Variants in SLCO5A1 observed in about 807,000 individuals in gnomAD.
SLCO5A1 encodes organic anion transporter polypeptide-related protein 4.
SLCO5A1 carries 39 observed loss-of-function variants against 65.1 expected under a neutral mutation model. The observed-to-expected ratio is 0.60, with a 90% CI of 0.46 to 0.78. The LOEUF is 0.78. Among genes scored for constraint, SLCO5A1 ranks in the 30% least tolerant of loss-of-function variants. The probability of loss-of-function intolerance (pLI) is 0.00; values close to 1 mark genes in which losing one functional copy is unlikely to be tolerated. For synonymous variants in SLCO5A1, 438 were observed against 415.7 expected (o/e 1.05, Z -0.65); for missense variants, 1,029 against 1,069.4 (o/e 0.96, Z 0.53).
In SLCO5A1 at chr8:69,667,070, T is replaced by C. The variant is rs975809343; in HGVS notation, c.*5799A>G. 2 of 152,204 alleles carry C rather than the reference T, an allele frequency of 1.3e-5. No individual in the cohort carries two copies. The highest frequency in any genetic ancestry group is 2.9e-5 in the Non-Finnish European group (2 of 68,036). 9.4% of individuals were successfully genotyped at this position (152,204 alleles called of 1,614,324 possible). ...ATTTCAGTCCAACACACTTTATTCA[T>C]TTTTAACTTTTTTCTTAATTTTCAA... On this transcript the variant is annotated 3_prime_UTR_variant, in exon 10 of 10. Coordinates refer to ENST00000260126, the MANE Select transcript of SLCO5A1 (RefSeq NM_030958.3).
At chr8:69,765,401 T>TATAC (rs918909833) in intron 2 of SLCO5A1, among the ~76,000 whole-genome samples, 8 of 149,720 alleles carry the variant, frequency 5.3e-5, no homozygotes, top group Admixed American at 6.7e-5. Context: ...TATATATATA[T>TATAC]ACACACACAC....
In SLCO5A1 at chr8:69,695,811, GGGAT is replaced by G. The variant is rs201929764; in HGVS notation, c.1622+9216_1622+9219del. Among the ~76,000 whole-genome samples, 646 of 152,186 alleles carry G rather than the reference GGGAT, an allele frequency of 4.2e-3. 3 individuals carry two copies. The highest frequency in any genetic ancestry group is 0.015 in the African/African-American group (620 of 41,544). ...ACTGTGTTAGACAGATGAGTTTGAGGGGATGGAAGAAAGAAGTTCAGAAAGTTCA... is the reference window on the plus strand; with the variant it reads ...ACTGTGTTAGACAGATGAGTTTGAGGGGAAGAAAGAAGTTCAGAAAGTTCA... On this transcript the variant is annotated intron_variant, in intron 6 of 9. Transcript: ENST00000260126.
At chr8:69,715,656 C>T (rs562950655) in intron 5 of SLCO5A1, among the ~76,000 whole-genome samples, 22 of 152,280 alleles carry the variant, frequency 1.4e-4, no homozygotes, top group South Asian at 1.2e-3. Flanking sequence ...CTGAACTATA[C>T]CTATTAGAGT....
chr8:69,828,325 G>A (rs1330238553), intron 2 of SLCO5A1, among the ~76,000 whole-genome samples: 5 of 151,772 alleles, frequency 3.3e-5, no homozygotes, highest in East Asian at 1.9e-4. Flanking sequence ...AAGAAGGGCC[G>A]GGTGCAGTGG....
intron 2 of SLCO5A1, among the ~76,000 whole-genome samples, chr8:69,782,350 G>A (rs926839076): frequency 6.6e-6 from 1 of 152,268 alleles, no homozygotes; most frequent in East Asian, 1.9e-4. Flanking sequence ...GGGAGGCCAA[G>A]GAGGGAGGAT....
intron 5 of SLCO5A1, among the ~76,000 whole-genome samples, chr8:69,734,455 A>G (rs1179643558): frequency 1.3e-5 from 2 of 152,208 alleles, no homozygotes; most frequent in Non-Finnish European, 2.9e-5. Flanking sequence ...AATCTCTGTG[A>G]TCCAAATTTT....
chr8:69,686,465 A>G (rs1051405107), intron 6 of SLCO5A1, among the ~76,000 whole-genome samples: 4 of 152,156 alleles, frequency 2.6e-5, no homozygotes, highest in African/African-American at 9.7e-5. Flanking sequence ...CATAATCATC[A>G]TTATCATTTA....
chr8:69,800,245 ATTT>A (rs749384852), intron 2 of SLCO5A1, among the ~76,000 whole-genome samples: 86 of 81,292 alleles, frequency 1.1e-3, no homozygotes, highest in African/African-American at 3.1e-3. Context: ...AGACGCTTGA[ATTT>A]TTTTTTTTTT....
intron 5 of SLCO5A1, among the ~76,000 whole-genome samples, chr8:69,714,307 A>T (rs928739207): frequency 6.6e-6 from 1 of 152,242 alleles, no homozygotes; most frequent in Non-Finnish European, 1.5e-5. Context: ...CCAAAACTTA[A>T]AGGAGGGGTA....
intron 2 of SLCO5A1, among the ~76,000 whole-genome samples, chr8:69,778,714 C>T (rs1384121948): frequency 2.6e-5 from 4 of 152,116 alleles, no homozygotes; most frequent in Non-Finnish European, 4.4e-5. Context: ...AAAGTTAGGA[C>T]AAATCAGTAT....
chr8:69,773,884 C>T (rs548639626), intron 2 of SLCO5A1, among the ~76,000 whole-genome samples: 3 of 152,334 alleles, frequency 2.0e-5, no homozygotes, highest in South Asian at 4.1e-4. Flanking sequence ...CCAAATATTA[C>T]CCCTTACAGA....
At chr8:69,746,462 A>G (rs1283214481) in intron 4 of SLCO5A1, among the ~76,000 whole-genome samples, 1 of 152,198 alleles carries the variant, frequency 6.6e-6, no homozygotes, top group Non-Finnish European at 1.5e-5. Flanking sequence ...GGGCACAGAG[A>G]CCAAGAGTGA....
At chr8:69,677,398 GTTAT>G (rs1273525585) in intron 8 of SLCO5A1, among the ~76,000 whole-genome samples, 1 of 152,154 alleles carries the variant, frequency 6.6e-6, no homozygotes, top group Admixed American at 6.5e-5. Context: ...TAGCCAATGG[GTTAT>G]TTAACATCTC....
At chr8:69,826,639 T>A (rs543050200) in intron 2 of SLCO5A1, among the ~76,000 whole-genome samples, 27 of 152,278 alleles carry the variant, frequency 1.8e-4, no homozygotes, top group South Asian at 1.2e-3. Flanking sequence ...CAACAGGTGC[T>A]GGAGAGGATG....
chr8:69,689,949 T>C (rs1415743599), intron 6 of SLCO5A1, among the ~76,000 whole-genome samples: 1 of 152,216 alleles, frequency 6.6e-6, no homozygotes, highest in African/African-American at 2.4e-5. Flanking sequence ...ATTTTCACGA[T>C]ATTGATTCTT....
intron 5 of SLCO5A1, among the ~76,000 whole-genome samples, chr8:69,720,145 T>G (rs888382067): frequency 6.6e-6 from 1 of 152,240 alleles, no homozygotes; most frequent in Non-Finnish European, 1.5e-5. Flanking sequence ...AATAACAAAA[T>G]CACATATTTT....
chr8:69,674,666 A>G (rs1486939968), intron 9 of SLCO5A1, among the ~76,000 whole-genome samples: 2 of 152,002 alleles, frequency 1.3e-5, no homozygotes, highest in Admixed American at 6.5e-5. Flanking sequence ...CTTTACCTCC[A>G]AATCATATCA....
Position 69,761,759 on chromosome 8 carries a change from G to T in SLCO5A1, c.1024C>A (p.Arg342Ser), listed in dbSNP as rs755175255. 1.2e-6 allele frequency: 2 copies of T among 1,613,358 alleles called. No homozygotes were observed. Among genetic ancestry groups the T allele is most frequent in the Non-Finnish European group, 8.5e-7 (1 of 1,179,862 alleles). The stretch of plus-strand genomic sequence containing the variant: ...AGAACTTACCAGTTTCCAATGAAAC[G>T]AGGGTCATTCTGGTCAAGGTGAACA... ...NPVHLDQNDP[R>S]FIGNWWSGFL... Residue 342 changes from arginine (R) to serine (S), a missense_variant, in exon 3 of 10, where the codon CGT (arginine) becomes AGT (serine). By Grantham distance (110) the Arg-to-Ser change is moderately radical. Coordinates refer to ENST00000260126, the MANE Select transcript of SLCO5A1 (RefSeq NM_030958.3).
At position 69,755,434 on chromosome 8, in the gene SLCO5A1, C is replaced by T; in HGVS notation, c.1248G>A (p.Lys416=). The change falls in exon 4 of 10, where the codon AAG becomes AAA. Residue 416 remains lysine, a synonymous_variant. Transcript: ENST00000260126. ...AGAGGTATACTTTACCTCTGACATC[C>T]TTTCCAAATCCCATCGAAGAAACTT... ...DKKVSSMGFG[K]DVRDLPRAAV... is the part of the protein sequence containing the mutation. The T allele has an allele frequency of 6.2e-7, 1 of 1,613,278 alleles. No homozygotes were observed. Among genetic ancestry groups the T allele is most frequent in the Non-Finnish European group, 8.5e-7 (1 of 1,179,874 alleles).
Sources: gnomAD v4.1 joint callset for allele counts (sites outside exome capture counted in the v4.1 genomes callset) on GRCh38, gnomAD v4.1.1 for gene constraint, MANE v1.5 for transcripts, NCBI Gene and HGNC (gene_info 2026-07-23, HGNC 2026-07-21) for gene names.